MYOF: variants seen among roughly 807,000 people sequenced by gnomAD.
MYOF encodes myoferlin.
MYOF carries 244 observed loss-of-function variants against 284.2 expected under a neutral mutation model. That is an observed-to-expected ratio of 0.86 (90% CI 0.77 to 0.95). MYOF has a LOEUF of 0.95. Ranked by LOEUF, MYOF falls within the 40% of genes least tolerant of loss-of-function variation. The pLI is 0.00. For missense variants in MYOF, 2,496 were observed against 2,560.6 expected, an observed-to-expected ratio of 0.97 and a Z score of 0.54; for synonymous variants, 904 against 919.7, an observed-to-expected ratio of 0.98 and a Z score of 0.31.
At chr10:93,351,630 T>C in intron 33 of MYOF, 35 bp downstream of exon 33, 2 of 1,597,010 alleles carry the variant, frequency 1.3e-6, no homozygotes, top group South Asian at 2.3e-5. Flanking sequence ...ATCTCCATCA[T>C]CCCCAAGTTA....
chr10:93,404,205 A>T lies in MYOF; in HGVS notation c.744T>A (p.Asn248Lys). Residue 248 changes from asparagine to lysine, a missense_variant, in exon 8 of 54, where the codon AAT (asparagine) becomes AAA (lysine). Asn to Lys is a moderately conservative substitution (Grantham distance 94, BLOSUM62 0). Coordinates refer to ENST00000359263, the MANE Select transcript of MYOF (RefSeq NM_013451.4). ...NPFFDELFFY[N>K]VNMTPSELMD... ...TCAATTCAGAAGGGGTCATGTTGAC[A>T]TTGTAGAAAAACAACTGCCAAAACA... 1 of 1,614,170 alleles carries T rather than the reference A, an allele frequency of 6.2e-7. No homozygotes were observed. Among genetic ancestry groups the T allele is most frequent in the South Asian group, 1.1e-5 (1 of 91,082 alleles).
chr10:93,329,680 G>T lies in MYOF; in HGVS notation c.4966C>A (p.Pro1656Thr). Reference sequence around the variant, plus strand: ...GCAACTTACACACAGTACTCCTCTGGTATGCCGCAGTGGGACCCAAAGCGG... The same window carrying T: ...GCAACTTACACACAGTACTCCTCTGTTATGCCGCAGTGGGACCCAAAGCGG... ...LSRFGSHCGI[P>T]EEYCVSGVNT... The change falls in exon 44 of 54, where the codon CCA becomes ACA. Residue 1656 changes from proline (P) to threonine (T), a missense_variant. Transcript: ENST00000359263. 6.2e-7 allele frequency: 1 copy of T among 1,614,082 alleles called. No individual in the cohort carries two copies. Among genetic ancestry groups the T allele is most frequent in the Non-Finnish European group, 8.5e-7 (1 of 1,180,034 alleles).
intron 3 of MYOF, among the ~76,000 whole-genome samples, chr10:93,433,961 T>C (rs577648469): frequency 6.6e-6 from 1 of 152,312 alleles, no homozygotes; most frequent in South Asian, 2.1e-4. Flanking sequence ...TTTCTATGAA[T>C]AGGATATTGC....
chr10:93,374,283 C>A (rs917485012), intron 23 of MYOF, among the ~76,000 whole-genome samples: 1 of 152,182 alleles, frequency 6.6e-6, no homozygotes, highest in African/African-American at 2.4e-5. Context: ...TGTACACCCA[C>A]CATCTTTTTA....
chr10:93,402,740 A>T (rs938186348), intron 10 of MYOF, 120 bp downstream of exon 10: 11 of 892,532 alleles, frequency 1.2e-5, no homozygotes, highest in South Asian at 2.0e-5. Flanking sequence ...ATATTTTTTA[A>T]AAAATTCCTT....
At chr10:93,418,327 G>A (rs947372359) in intron 5 of MYOF, among the ~76,000 whole-genome samples, 1 of 152,208 alleles carries the variant, frequency 6.6e-6, no homozygotes, top group Admixed American at 6.5e-5. Flanking sequence ...CATTTTCTTA[G>A]CTGGAATGTA....
At position 93,342,550 on chromosome 10, in the gene MYOF, T is replaced by C. The variant is rs577394145; in HGVS notation, c.4326+1306A>G. 1.2e-4 allele frequency among the ~76,000 whole-genome samples: 18 copies of C among 152,368 alleles called. No homozygotes were observed. In the South Asian group the frequency reaches 1.4e-3, roughly 12 times the overall value. Reference sequence around the variant, plus strand: ...TATGTTGCAATGTTTAACTCTATGATGTAAACTGAACTTTCATAAAGTGTT... The same window carrying C: ...TATGTTGCAATGTTTAACTCTATGACGTAAACTGAACTTTCATAAAGTGTT... On this transcript the variant is annotated intron_variant, in intron 38 of 53. Coordinates refer to ENST00000359263, the MANE Select transcript of MYOF (RefSeq NM_013451.4).
intron 43 of MYOF, among the ~76,000 whole-genome samples, chr10:93,332,604 G>A (rs1260937020): frequency 6.6e-6 from 1 of 151,912 alleles, no homozygotes; most frequent in Non-Finnish European, 1.5e-5. Flanking sequence ...CCAGCACTTT[G>A]GGAGGGCGAG....
intron 12 of MYOF, among the ~76,000 whole-genome samples, chr10:93,400,212 A>T (rs1005762293): frequency 6.6e-6 from 1 of 152,186 alleles, no homozygotes; most frequent in African/African-American, 2.4e-5. Flanking sequence ...AGAAAATTTG[A>T]CATAATCACA....
intron 52 of MYOF, 61 bp downstream of exon 52, chr10:93,310,473 G>A (rs1270715921): frequency 1.1e-5 from 17 of 1,529,734 alleles, no homozygotes; most frequent in Non-Finnish European, 1.4e-5. Flanking sequence ...TAAGCCAATG[G>A]GAAGGGGGGC....
At chr10:93,414,338 A>G (rs980048185) in intron 5 of MYOF, among the ~76,000 whole-genome samples, 44 of 152,224 alleles carry the variant, frequency 2.9e-4, no homozygotes, top group African/African-American at 9.4e-4. Flanking sequence ...GGAGTTCAAG[A>G]CCAGCCTGGT....
intron 4 of MYOF, among the ~76,000 whole-genome samples, chr10:93,427,221 A>AC (rs916469476): frequency 2.6e-5 from 4 of 151,550 alleles, no homozygotes; most frequent in African/African-American, 9.7e-5. Context: ...ACAAAACAAA[A>AC]AAAAACAGAG....
At chr10:93,430,346 T>C in intron 4 of MYOF, among the ~76,000 whole-genome samples, 1 of 151,594 alleles carries the variant, frequency 6.6e-6, no homozygotes, top group East Asian at 2.0e-4. Context: ...CTTTGGTAGG[T>C]CGAAGTGGGA....
intron 51 of MYOF, among the ~76,000 whole-genome samples, 200 bp from the exon 52 acceptor site, chr10:93,310,843 G>A (rs1245698874): frequency 6.6e-6 from 1 of 152,002 alleles, no homozygotes; most frequent in Non-Finnish European, 1.5e-5. Flanking sequence ...AAACTTTGAG[G>A]ACAAATTGCT....
intron 1 of MYOF, among the ~76,000 whole-genome samples, chr10:93,461,662 G>A (rs1321425946): frequency 6.6e-6 from 1 of 152,102 alleles, no homozygotes; most frequent in African/African-American, 2.4e-5. Context: ...CACATCTGGG[G>A]ACACTCCAGG....
chr10:93,472,079 G>A (rs1248831901), intron 1 of MYOF, among the ~76,000 whole-genome samples: 4 of 152,152 alleles, frequency 2.6e-5, no homozygotes, highest in Admixed American at 1.3e-4. Flanking sequence ...GGGCTCCTGC[G>A]AGGTGGGCTT....
At chr10:93,430,102 T>A (rs1043418396) in intron 4 of MYOF, among the ~76,000 whole-genome samples, 16 of 151,510 alleles carry the variant, frequency 1.1e-4, no homozygotes, top group Non-Finnish European at 7.4e-5. Flanking sequence ...GCCTGGCTAA[T>A]TTTTTGTATT....
chr10:93,400,445 C>A (rs1442103223), intron 12 of MYOF, among the ~76,000 whole-genome samples: 2 of 151,700 alleles, frequency 1.3e-5, no homozygotes, highest in South Asian at 4.2e-4. Context: ...GGATTATAGG[C>A]ATGACCCACT....
intron 3 of MYOF, 63 bp downstream of exon 3, chr10:93,451,987 A>G (rs1220200149): frequency 1.7e-6 from 2 of 1,185,142 alleles, no homozygotes; most frequent in East Asian, 2.3e-5. Context: ...TGTCTCTTCA[A>G]CAAAATAAAC....
Sources: gnomAD v4.1 joint callset for allele counts (sites outside exome capture counted in the v4.1 genomes callset) on GRCh38, gnomAD v4.1.1 for gene constraint, MANE v1.5 for transcripts, NCBI Gene and HGNC (gene_info 2026-07-23, HGNC 2026-07-21) for gene names.